NVL: variants seen among roughly 807,000 people sequenced by gnomAD.
The protein encoded by NVL is nuclear VCP like.
Under a neutral mutation model 110.2 loss-of-function variants are expected in NVL, and 84 were observed. The ratio of observed to expected loss-of-function variants is 0.76; its 90% confidence interval spans 0.64 to 0.91. The LOEUF (loss-of-function observed/expected upper bound fraction) is 0.91, where lower values mean the gene tolerates loss of function less well. Among genes scored for constraint, NVL ranks in the 40% least tolerant of loss-of-function variants. The probability of loss-of-function intolerance (pLI) is 0.00; values close to 1 mark genes in which losing one functional copy is unlikely to be tolerated. For synonymous variants in NVL, 354 were observed against 361.1 expected (o/e 0.98, Z 0.22); for missense variants, 882 against 1,035.9 (o/e 0.85, Z 2.04).
intron 4 of NVL, among the ~76,000 whole-genome samples, chr1:224,313,893 C>G (rs904465058): frequency 6.6e-6 from 1 of 152,098 alleles, no homozygotes; most frequent in South Asian, 2.1e-4. Flanking sequence ...ATCCCAACTA[C>G]TCGGGAGGCT....
At position 224,308,154 on chromosome 1, in the gene NVL, G is replaced by A; in HGVS notation, c.452C>T (p.Pro151Leu). The A allele has an allele frequency of 6.2e-7, 1 of 1,613,992 alleles. No individual in the cohort carries two copies. Among genetic ancestry groups the A allele is most frequent in the Non-Finnish European group, 8.5e-7 (1 of 1,179,958 alleles). The change falls in exon 6 of 23, where the codon CCA becomes CTA. Residue 151 changes from proline to leucine, a missense_variant. By Grantham distance (98) the Pro-to-Leu change is moderately conservative (BLOSUM62 -3). Around this residue, in one of 4 missense-constraint regions of NVL, gnomAD observed 274 missense variants for 268.4 expected, o/e 1.02. Transcript: ENST00000281701. ...GGAGCCTGTTTTGGAACTTATCCGT[G>A]GTGTTGAAGAGGTGGTTTCTCTTTG... ...MEQRETTSSTPRISSKTGSIP... is the reference protein window; with the variant it reads ...MEQRETTSSTLRISSKTGSIP...
At chr1:224,236,038 A>C (rs761372424) in intron 20 of NVL, among the ~76,000 whole-genome samples, 25 of 152,236 alleles carry the variant, frequency 1.6e-4, no homozygotes, top group Non-Finnish European at 3.4e-4. Flanking sequence ...AAATTGGGAA[A>C]GTTAACAAAC....
At chr1:224,245,860 G>A (rs1414558521) in intron 19 of NVL, among the ~76,000 whole-genome samples, 4 of 151,324 alleles carry the variant, frequency 2.6e-5, no homozygotes, top group Non-Finnish European at 5.9e-5. Context: ...GGTGGGATCC[G>A]TCCACCTTGG....
In NVL at chr1:224,287,818, C is replaced by G; in HGVS notation, c.1751G>C (p.Gly584Ala). 6.2e-7 allele frequency: 1 copy of G among 1,614,142 alleles called. No homozygotes were observed. Among genetic ancestry groups the G allele is most frequent in the South Asian group, 1.1e-5 (1 of 91,080 alleles). ...TVPNVTWADI[G>A]ALEDIREELT... Reference sequence around the variant, plus strand: ...CTCCTCTCTAATGTCTTCCAGGGCACCAATATCTGCCCATGTCACATTAGG... The same window carrying G: ...CTCCTCTCTAATGTCTTCCAGGGCAGCAATATCTGCCCATGTCACATTAGG... Residue 584 changes from glycine (G) to alanine (A), a missense_variant, in exon 14 of 23, where the codon GGT (glycine) becomes GCT (alanine). Coordinates refer to ENST00000281701, the MANE Select transcript of NVL (RefSeq NM_002533.4).
intron 18 of NVL, among the ~76,000 whole-genome samples, chr1:224,254,865 T>A (rs1662997492): frequency 7.0e-6 from 1 of 142,158 alleles, no homozygotes; most frequent in Non-Finnish European, 1.5e-5. Context: ...TGGCTACTTT[T>A]AAAATGGTGT....
chr1:224,241,994 T>G (rs1350361023), intron 19 of NVL, among the ~76,000 whole-genome samples: 1 of 151,808 alleles, frequency 6.6e-6, no homozygotes, highest in East Asian at 1.9e-4. Flanking sequence ...ACCACGCCAT[T>G]GCACTCTAGC....
intron 6 of NVL, among the ~76,000 whole-genome samples, chr1:224,306,457 A>G (rs1402920597): frequency 6.6e-6 from 1 of 152,044 alleles, no homozygotes; most frequent in Non-Finnish European, 1.5e-5. Context: ...TAGTAGAGAC[A>G]GGGTTTCACT....
chr1:224,238,512 A>G (rs1476268868), intron 19 of NVL, among the ~76,000 whole-genome samples: 2 of 152,198 alleles, frequency 1.3e-5, no homozygotes, highest in African/African-American at 4.8e-5. Context: ...AACTGCATAA[A>G]TTATACATCT....
At chr1:224,270,906 A>G (rs1411722762) in intron 17 of NVL, among the ~76,000 whole-genome samples, 1 of 152,212 alleles carries the variant, frequency 6.6e-6, no homozygotes, top group Non-Finnish European at 1.5e-5. Flanking sequence ...TGGTGGGCAC[A>G]TGTAACTGAC....
chr1:224,284,192 G>C (rs1371038363), intron 15 of NVL, among the ~76,000 whole-genome samples: 1 of 151,798 alleles, frequency 6.6e-6, no homozygotes, highest in East Asian at 1.9e-4. Context: ...AACCAAAAAA[G>C]CTCAAGGTGT....
intron 19 of NVL, among the ~76,000 whole-genome samples, chr1:224,245,548 T>G (rs183882966): frequency 6.6e-6 from 1 of 152,286 alleles, no homozygotes; most frequent in Non-Finnish European, 1.5e-5. Context: ...CAGTCAGAAT[T>G]GGAGCAAAAA....
At chr1:224,299,753 C>T (rs1668216617) in intron 10 of NVL, among the ~76,000 whole-genome samples, 2 of 152,190 alleles carry the variant, frequency 1.3e-5, no homozygotes, top group Non-Finnish European at 1.5e-5. Context: ...TCTTTATCCT[C>T]CTAGTGTTGC....
intron 17 of NVL, among the ~76,000 whole-genome samples, chr1:224,272,518 G>A (rs1335551262): frequency 6.6e-6 from 1 of 151,742 alleles, no homozygotes; most frequent in African/African-American, 2.4e-5. Context: ...AGGAGTTCAA[G>A]ACCAGCCTGG....
chr1:224,236,639 G>A (rs1001718073), intron 19 of NVL, 57 bp from the exon 20 acceptor site: 2 of 1,392,130 alleles, frequency 1.4e-6, no homozygotes, highest in African/African-American at 1.4e-5. Flanking sequence ...TGCCGGGTGC[G>A]ATGGCTCATG....
intron 9 of NVL, chr1:224,302,904 C>T: frequency 3.2e-6 from 1 of 314,280 alleles, no homozygotes; most frequent in Non-Finnish European, 6.2e-6. Flanking sequence ...AAAACATAAG[C>T]TGGGCGTGGT....
chr1:224,270,636 A>C (rs1289992859), intron 17 of NVL, among the ~76,000 whole-genome samples: 1 of 152,140 alleles, frequency 6.6e-6, no homozygotes, highest in African/African-American at 2.4e-5. Flanking sequence ...AGACTGGGAA[A>C]AATAGTGTCA....
At chr1:224,243,804 G>A (rs1661487343) in intron 19 of NVL, among the ~76,000 whole-genome samples, 1 of 151,534 alleles carries the variant, frequency 6.6e-6, no homozygotes, top group South Asian at 2.1e-4. Context: ...TGGGATTACA[G>A]GCACCGGCCA....
At chr1:224,292,413 G>A (rs1184100387) in intron 12 of NVL, among the ~76,000 whole-genome samples, 1 of 152,112 alleles carries the variant, frequency 6.6e-6, no homozygotes, top group Non-Finnish European at 1.5e-5. Context: ...TGCATTATAG[G>A]TAAATAAACT....
In NVL at chr1:224,294,392, A is replaced by T. The variant is rs1462317572; in HGVS notation, c.1200T>A (p.Ala400=). ...TCMDDLNNVA[A]TARVLVIGAT... ...CTCCAATAACTAGGACCCGGGCTGTAGCAGCCACATTATTCAGATCTAGTA... is the reference window on the plus strand; with the variant it reads ...CTCCAATAACTAGGACCCGGGCTGTTGCAGCCACATTATTCAGATCTAGTA... The change falls in exon 12 of 23, where the codon GCT becomes GCA. Residue 400 remains alanine, a synonymous_variant. Transcript: ENST00000281701. 1.2e-6 allele frequency: 2 copies of T among 1,614,144 alleles called. No individual in the cohort carries two copies. The highest frequency in any genetic ancestry group is 2.2e-5 in the South Asian group (2 of 91,082).
Sources: allele counts gnomAD v4.1 joint callset (sites outside exome capture counted in the v4.1 genomes callset), GRCh38; gene constraint gnomAD v4.1.1; regional missense constraint gnomAD v4.1.1; transcripts MANE v1.5; gene names NCBI Gene and HGNC (gene_info 2026-07-23, HGNC 2026-07-21).